Variants in SLC2A13 observed in about 807,000 individuals in gnomAD.
SLC2A13 encodes solute carrier family 2 member 13.
In SLC2A13, 32 loss-of-function variants were observed where a neutral mutation model predicts 64.4. The observed-to-expected ratio is 0.50, with a 90% CI of 0.37 to 0.67. The LOEUF is 0.67. SLC2A13 is among the 30% of genes least tolerant of loss of function. The probability of loss-of-function intolerance (pLI) is 0.00; values close to 1 mark genes in which losing one functional copy is unlikely to be tolerated. For missense variants in SLC2A13, 743 were observed against 829.2 expected, an observed-to-expected ratio of 0.90 and a Z score of 1.28; for synonymous variants, 338 against 327.1, an observed-to-expected ratio of 1.03 and a Z score of -0.36.
intron 7 of SLC2A13, 147 bp downstream of exon 7, chr12:39,829,956 C>T (rs764352861): frequency 1.0e-5 from 10 of 978,842 alleles, no homozygotes; most frequent in Non-Finnish European, 1.5e-6. Flanking sequence ...GCTTTGCATC[C>T]ACTATCACCA....
chr12:40,030,921 T>C (rs1947893271), intron 2 of SLC2A13, among the ~76,000 whole-genome samples: 1 of 152,310 alleles, frequency 6.6e-6, no homozygotes, highest in Non-Finnish European at 1.5e-5. Flanking sequence ...GAAAAGGAAT[T>C]TGTACCCTCC....
chr12:39,788,517 C>G (rs933660656), intron 7 of SLC2A13: 1 of 152,080 alleles, frequency 6.6e-6, no homozygotes, highest in African/African-American at 2.4e-5. Context: ...CAATGGTACA[C>G]AATTTAAAAC....
chr12:39,971,983 G>GAAAAAAAAAA (rs1174701447), intron 3 of SLC2A13, among the ~76,000 whole-genome samples: 2 of 95,792 alleles, frequency 2.1e-5, no homozygotes, highest in African/African-American at 4.1e-5. Flanking sequence ...AGTGTCTCCA[G>GAAAAAAAAAA]AAAAAAAAAA....
At chr12:39,933,930 C>T (rs937283061) in intron 4 of SLC2A13, among the ~76,000 whole-genome samples, 5 of 152,060 alleles carry the variant, frequency 3.3e-5, no homozygotes, top group African/African-American at 1.2e-4. Flanking sequence ...GGTCAGGAAA[C>T]AAGAAATTTG....
intron 6 of SLC2A13, among the ~76,000 whole-genome samples, chr12:39,843,800 G>T (rs1014417331): frequency 1.4e-4 from 22 of 151,924 alleles, no homozygotes; most frequent in African/African-American, 4.8e-4. Flanking sequence ...CAAAGATTTT[G>T]TTATTGTTTT....
intron 1 of SLC2A13, among the ~76,000 whole-genome samples, chr12:40,092,105 A>C (rs1208056745): frequency 6.6e-6 from 1 of 152,170 alleles, no homozygotes; most frequent in African/African-American, 2.4e-5. Flanking sequence ...TGTCATAGAG[A>C]GAGGTATAAT....
intron 5 of SLC2A13, among the ~76,000 whole-genome samples, chr12:39,866,011 T>C (rs1480291713): frequency 6.6e-6 from 1 of 152,234 alleles, no homozygotes; most frequent in Non-Finnish European, 1.5e-5. Context: ...CCTGCACATG[T>C]ACCCCTGAAA....
intron 7 of SLC2A13, among the ~76,000 whole-genome samples, chr12:39,825,809 A>C (rs371387015): frequency 8.6e-5 from 13 of 152,000 alleles, no homozygotes; most frequent in African/African-American, 2.9e-4. Context: ...TGCACTTCCC[A>C]TCCTCTGCTA....
At chr12:39,924,048 A>C (rs539783309) in intron 4 of SLC2A13, among the ~76,000 whole-genome samples, 1 of 152,302 alleles carries the variant, frequency 6.6e-6, no homozygotes, top group Admixed American at 6.5e-5. Flanking sequence ...ATCAAGATAA[A>C]CAGTTAAAAC....
chr12:39,865,582 A>G (rs1566881658), intron 5 of SLC2A13, among the ~76,000 whole-genome samples: 1 of 152,232 alleles, frequency 6.6e-6, no homozygotes, highest in Non-Finnish European at 1.5e-5. Flanking sequence ...CTAATGGCAA[A>G]TAAGACATTT....
At chr12:39,810,076 C>T (rs1013509790) in intron 7 of SLC2A13, among the ~76,000 whole-genome samples, 9 of 152,152 alleles carry the variant, frequency 5.9e-5, no homozygotes, top group African/African-American at 1.4e-4. Flanking sequence ...CCTGAGGAAT[C>T]GCCACACTGA....
intron 1 of SLC2A13, among the ~76,000 whole-genome samples, chr12:40,053,409 A>G (rs1422318183): frequency 6.6e-6 from 1 of 152,216 alleles, no homozygotes; most frequent in East Asian, 1.9e-4. Context: ...AGAAAGCCAC[A>G]TGGCAAGTTA....
chr12:40,051,357 G>A (rs1170306815), intron 1 of SLC2A13, among the ~76,000 whole-genome samples: 1 of 152,154 alleles, frequency 6.6e-6, no homozygotes, highest in Non-Finnish European at 1.5e-5. Flanking sequence ...TAAGATGGGA[G>A]AGACAGAGGG....
At chr12:39,853,565 T>G (rs1187803950) in intron 6 of SLC2A13, among the ~76,000 whole-genome samples, 1 of 151,880 alleles carries the variant, frequency 6.6e-6, no homozygotes, top group African/African-American at 2.4e-5. Flanking sequence ...TTCTTTCTCT[T>G]TTTCCTTCCT....
chr12:39,858,330 G>A lies in SLC2A13; in HGVS notation c.1319+6432C>T, dbSNP rs561336066. ...ATCTCCAATGGGTCTGTAGATATTA[G>A]TAACACATACAACATTGTTTTCTAC... On this transcript the variant is annotated intron_variant, in intron 6 of 9. Transcript: ENST00000280871. 2.6e-5 allele frequency among the ~76,000 whole-genome samples: 4 copies of A among 152,142 alleles called. No homozygotes were observed. In the East Asian group the frequency reaches 7.7e-4, roughly 29 times the overall value.
intron 7 of SLC2A13, among the ~76,000 whole-genome samples, chr12:39,773,974 C>T (rs1363787876): frequency 6.6e-6 from 1 of 152,164 alleles, no homozygotes. Flanking sequence ...GATTTTATTT[C>T]CAGTTCCTGA....
chr12:39,988,680 A>C (rs1418757659), intron 3 of SLC2A13, among the ~76,000 whole-genome samples: 1 of 78,330 alleles, frequency 1.3e-5, no homozygotes, highest in African/African-American at 5.2e-5. Context: ...GGAGGGAAGA[A>C]GGGAGGGAGG....
At chr12:39,930,477 G>A (rs1224498981) in intron 4 of SLC2A13, among the ~76,000 whole-genome samples, 1 of 152,158 alleles carries the variant, frequency 6.6e-6, no homozygotes, top group Non-Finnish European at 1.5e-5. Context: ...TATTGTGGGG[G>A]AGCAGTGTTG....
chr12:39,879,354 C>A (rs1389542892), intron 4 of SLC2A13, among the ~76,000 whole-genome samples: 5 of 152,184 alleles, frequency 3.3e-5, no homozygotes, highest in Non-Finnish European at 5.9e-5. Flanking sequence ...GATCTACTGG[C>A]AGCTTGCACC....
Sources: allele counts gnomAD v4.1 joint callset (sites outside exome capture counted in the v4.1 genomes callset), GRCh38; gene constraint gnomAD v4.1.1; transcripts MANE v1.5; gene names NCBI Gene and HGNC (gene_info 2026-07-23, HGNC 2026-07-21).